Variants in TTLL1 observed in about 807,000 individuals in gnomAD.
TTLL1 encodes the protein polyglutamylase complex subunit TTLL1.
In TTLL1, 33 loss-of-function variants were observed where a neutral mutation model predicts 47.8. That is an observed-to-expected ratio of 0.69 (90% CI 0.52 to 0.92). The LOEUF is 0.92. Ranked by LOEUF, TTLL1 falls within the 40% of genes least tolerant of loss-of-function variation. The probability of loss-of-function intolerance (pLI) is 0.00; values close to 1 mark genes in which losing one functional copy is unlikely to be tolerated. For synonymous variants in TTLL1, 225 were observed against 214.1 expected, an observed-to-expected ratio of 1.05 and a Z score of -0.45; for missense variants, 488 against 547.5, an observed-to-expected ratio of 0.89 and a Z score of 1.08.
chr22:43,061,293 C>T (rs572679030), intron 7 of TTLL1, among the ~76,000 whole-genome samples: 1 of 152,186 alleles, frequency 6.6e-6, no homozygotes, highest in Non-Finnish European at 1.5e-5. Flanking sequence ...CGAGTTAGGC[C>T]AGCCACATGT....
At chr22:43,076,426 AGCCTCGGCG>A (rs778467162) in intron 2 of TTLL1, among the ~76,000 whole-genome samples, 2 of 151,998 alleles carry the variant, frequency 1.3e-5, no homozygotes, top group Non-Finnish European at 2.9e-5. Flanking sequence ...ACTGCCCTCC[AGCCTCGGCG>A]ACAGAGCGAG....
chr22:43,060,114 C>T lies in TTLL1; in HGVS notation c.748-587G>A, dbSNP rs1222623888. ...CTCGGCTTACTGCACTGTGAGCCAC[C>T]GCGCTTGGCCTTCCGTGGGTATTTT... On this transcript the variant is annotated intron_variant, in intron 7 of 10. Coordinates refer to ENST00000266254, the MANE Select transcript of TTLL1 (RefSeq NM_012263.5). Among the ~76,000 whole-genome samples the T allele has an allele frequency of 2.0e-5, 3 of 152,278 alleles. No homozygotes were observed. In the East Asian group the frequency reaches 5.8e-4, roughly 29 times the overall value.
chr22:43,053,408 C>G (rs1406303959), intron 8 of TTLL1, among the ~76,000 whole-genome samples: 1 of 152,214 alleles, frequency 6.6e-6, no homozygotes, highest in Non-Finnish European at 1.5e-5. Context: ...AACTAAAAGC[C>G]TGGTATCCTC....
Position 43,039,661 on chromosome 22 carries a change from C to T in TTLL1, c.*115G>A. On this transcript the variant is annotated 3_prime_UTR_variant, in exon 11 of 11. Coordinates refer to ENST00000266254, the MANE Select transcript of TTLL1 (RefSeq NM_012263.5). ...CCATAACCTTCCAAAGAAGTGCCTTCGTTTATTTACAGGGCTTAGGAAAGG... is the reference window on the plus strand; with the variant it reads ...CCATAACCTTCCAAAGAAGTGCCTTTGTTTATTTACAGGGCTTAGGAAAGG... 1 of 1,341,782 alleles carries T rather than the reference C, an allele frequency of 7.5e-7. No homozygotes were observed. The highest frequency in any genetic ancestry group is 9.8e-7 in the Non-Finnish European group (1 of 1,017,068). The allele number at this position is 1,341,782 out of a possible 1,614,324, so 83.1% of individuals were successfully genotyped here. A position where few individuals can be genotyped will look rare whatever the true frequency, so the allele number is the denominator to read the frequency against.
chr22:43,065,700 G>C (rs1241330794), intron 5 of TTLL1, among the ~76,000 whole-genome samples: 1 of 152,044 alleles, frequency 6.6e-6, no homozygotes, highest in African/African-American at 2.4e-5. Context: ...CCTCAGCCTG[G>C]CAAGTAGCTG....
intron 8 of TTLL1, among the ~76,000 whole-genome samples, chr22:43,054,767 C>G (rs1212266468): frequency 2.1e-5 from 3 of 145,962 alleles, no homozygotes; most frequent in Admixed American, 1.4e-4. Context: ...GCTCTGTGGC[C>G]CAGGCTGGAG....
intron 10 of TTLL1, among the ~76,000 whole-genome samples, chr22:43,044,324 T>A (rs930549789): frequency 6.6e-6 from 1 of 152,042 alleles, no homozygotes; most frequent in Admixed American, 6.6e-5. Context: ...AAGCCCAGTA[T>A]ACTTCCATCT....
At chr22:43,059,891 T>C (rs1191258558) in intron 7 of TTLL1, among the ~76,000 whole-genome samples, 1 of 152,196 alleles carries the variant, frequency 6.6e-6, no homozygotes, top group African/African-American at 2.4e-5. Flanking sequence ...GGTCTCACTA[T>C]GTTGCCCAGA....
rs577215096 is a variant in TTLL1 at position 43,047,436 on chromosome 22, T to C, written c.979-863A>G. Reference sequence around the variant, plus strand: ...CATTAAAATGAAGACATTCGCTTTGTTCTGTGGAGAGTCCCACAGGCCCTC... The same window carrying C: ...CATTAAAATGAAGACATTCGCTTTGCTCTGTGGAGAGTCCCACAGGCCCTC... On this transcript the variant is annotated intron_variant, in intron 9 of 10. Transcript: ENST00000266254. Among the ~76,000 whole-genome samples, 6 of 152,280 alleles carry C rather than the reference T, an allele frequency of 3.9e-5. No individual in the cohort carries two copies. The East Asian group carries it at 1.2e-3, about 29-fold the overall frequency.
At chr22:43,081,131 G>C (rs1008221411) in intron 1 of TTLL1, among the ~76,000 whole-genome samples, 1 of 151,786 alleles carries the variant, frequency 6.6e-6, no homozygotes, top group Non-Finnish European at 1.5e-5. Flanking sequence ...GGCCAGGCTG[G>C]TCTCAAACTC....
chr22:43,066,012 A>T (rs1927706686), intron 5 of TTLL1, among the ~76,000 whole-genome samples: 2 of 151,990 alleles, frequency 1.3e-5, no homozygotes, highest in Non-Finnish European at 2.9e-5. Flanking sequence ...TACAAAAATT[A>T]GCCAGGTGTG....
chr22:43,057,774 T>G (rs1488596314), intron 8 of TTLL1, among the ~76,000 whole-genome samples: 1 of 151,412 alleles, frequency 6.6e-6, no homozygotes, highest in African/African-American at 2.4e-5. Flanking sequence ...GTGGGAGGGT[T>G]GCTTTCCTGC....
chr22:43,071,388 C>CTTTTG (rs538972456), intron 3 of TTLL1, among the ~76,000 whole-genome samples: 1,891 of 151,958 alleles, frequency 0.012, 43 homozygotes, highest in African/African-American at 0.044. Context: ...TAATCCAGCA[C>CTTTTG]TTTTGTTTTG....
At chr22:43,044,541 AT>A (rs1601650904) in intron 10 of TTLL1, among the ~76,000 whole-genome samples, 1 of 152,156 alleles carries the variant, frequency 6.6e-6, no homozygotes, top group East Asian at 1.9e-4. Context: ...TTTTTTAAAA[AT>A]TTACATGAAA....
chr22:43,042,970 C>A (rs915262050), intron 10 of TTLL1, among the ~76,000 whole-genome samples: 8 of 134,066 alleles, frequency 6.0e-5, no homozygotes, highest in African/African-American at 2.3e-4. Flanking sequence ...GGCAGACTTT[C>A]GCTGTGTCGC....
intron 1 of TTLL1, among the ~76,000 whole-genome samples, chr22:43,082,565 A>C (rs1251965991): frequency 6.6e-6 from 1 of 151,692 alleles, no homozygotes; most frequent in Non-Finnish European, 1.5e-5. Flanking sequence ...AAAATACAAA[A>C]ATTAGCCAGG....
At chr22:43,054,986 A>T (rs933500336) in intron 8 of TTLL1, among the ~76,000 whole-genome samples, 1 of 151,318 alleles carries the variant, frequency 6.6e-6, no homozygotes, top group Non-Finnish European at 1.5e-5. Context: ...GGCCTCCCAA[A>T]GTGCTGGGAT....
In TTLL1 at chr22:43,039,725, T is replaced by G; in HGVS notation, c.*51A>C. 1 of 1,512,806 alleles carries G rather than the reference T, an allele frequency of 6.6e-7. No individual in the cohort carries two copies. The highest frequency in any genetic ancestry group is 1.4e-5 in the African/African-American group (1 of 71,024). 93.7% of individuals were successfully genotyped at this position (1,512,806 alleles called of 1,614,324 possible). A position where few individuals can be genotyped will look rare whatever the true frequency, so the allele number is the denominator to read the frequency against. ...AAAAGGGAAATTTCAAAATAGGGCTTCAGCAGGGGCCCAGGTGGAGTGAGT... is the reference window on the plus strand; with the variant it reads ...AAAAGGGAAATTTCAAAATAGGGCTGCAGCAGGGGCCCAGGTGGAGTGAGT... On this transcript the variant is annotated 3_prime_UTR_variant, in exon 11 of 11. Coordinates refer to ENST00000266254, the MANE Select transcript of TTLL1 (RefSeq NM_012263.5).
At chr22:43,050,046 G>A (rs760616853) in intron 9 of TTLL1, among the ~76,000 whole-genome samples, 15 of 151,938 alleles carry the variant, frequency 9.9e-5, no homozygotes, top group Admixed American at 4.6e-4. Context: ...GCAGTGAGCC[G>A]AGATTGCGCC....
Sources: allele counts gnomAD v4.1 joint callset (sites outside exome capture counted in the v4.1 genomes callset), GRCh38; gene constraint gnomAD v4.1.1; transcripts MANE v1.5; gene names NCBI Gene and HGNC (gene_info 2026-07-23, HGNC 2026-07-21).